NGLY1: variants seen among roughly 807,000 people sequenced by gnomAD.
NGLY1 encodes N-glycanase 1, also known as peptide-N(4)-(N-acetyl-beta-glucosaminyl)asparagine amidase.
A neutral mutation model predicts 84.6 loss-of-function variants in NGLY1; 68 were observed. The observed-to-expected ratio is 0.80, with a 90% CI of 0.66 to 0.98. NGLY1 has a LOEUF of 0.98. Ranked by LOEUF, NGLY1 falls within the 50% of genes least tolerant of loss-of-function variation. NGLY1 has a pLI of 0.00. For missense variants in NGLY1, 779 were observed against 770.2 expected, an observed-to-expected ratio of 1.01 and a Z score of -0.14; for synonymous variants, 280 against 275.2, an observed-to-expected ratio of 1.02 and a Z score of -0.17.
chr3:25,783,600 G>T (rs1708530797), upstream of NGLY1: 1 of 429,440 alleles, frequency 2.3e-6, no homozygotes, highest in Non-Finnish European at 3.4e-6. This position sits in a 1 kb window ranked among gnomAD's most constrained non-coding sequence, Gnocchi z 4.5. Flanking sequence ...GCCGGCAGGG[G>T]CGGGGTCGGG....
At chr3:25,741,521 G>GAATGTT (rs1706144365) in intron 4 of NGLY1, among the ~76,000 whole-genome samples, 1 of 151,962 alleles carries the variant, frequency 6.6e-6, no homozygotes. Context: ...TTATAGGTGA[G>GAATGTT]TATGTTTATG....
chr3:25,738,048 C>T (rs1439758161), intron 5 of NGLY1, among the ~76,000 whole-genome samples: 1 of 152,128 alleles, frequency 6.6e-6, no homozygotes, highest in Admixed American at 6.5e-5. Flanking sequence ...AACAATACAA[C>T]AGGTCAGAAA....
intron 10 of NGLY1, among the ~76,000 whole-genome samples, chr3:25,721,404 A>C (rs1704981400): frequency 6.6e-6 from 1 of 152,102 alleles, no homozygotes; most frequent in Non-Finnish European, 1.5e-5. Context: ...CCTGGTCTGA[A>C]ATGTACAGCA....
intron 10 of NGLY1, among the ~76,000 whole-genome samples, chr3:25,720,463 G>A (rs1436504274): frequency 2.0e-5 from 3 of 152,080 alleles, no homozygotes; most frequent in African/African-American, 7.2e-5. Context: ...CCAAATTTTG[G>A]TAAATCATCT....
At chr3:25,785,796 CT>C (rs1708590613), upstream of NGLY1, among the ~76,000 whole-genome samples, 1 of 152,240 alleles carries the variant, frequency 6.6e-6, no homozygotes, top group Non-Finnish European at 1.5e-5. Flanking sequence ...AGGCTTTCCC[CT>C]GACAGATAGA....
At chr3:25,788,542 T>G (rs1292694442) in intron 1 of NGLY1, among the ~76,000 whole-genome samples, 3 of 151,564 alleles carry the variant, frequency 2.0e-5, no homozygotes, top group Non-Finnish European at 3.0e-5. Flanking sequence ...GATGGTCTTT[T>G]TATTTTTCTG....
At chr3:25,727,045 T>G (rs1019749591) in intron 10 of NGLY1, among the ~76,000 whole-genome samples, 1 of 152,150 alleles carries the variant, frequency 6.6e-6, no homozygotes, top group Non-Finnish European at 1.5e-5. Flanking sequence ...AAAACGGTAG[T>G]GAGAAATAGG....
rs780478688 is a variant in NGLY1, at chr3:25,733,925, T to C, written c.1207A>G (p.Thr403Ala). 6.2e-7 allele frequency: 1 copy of C among 1,613,876 alleles called. No individual in the cohort carries two copies. Among genetic ancestry groups the C allele is most frequent in the South Asian group, 1.1e-5 (1 of 91,062 alleles). The stretch of plus-strand genomic sequence containing the variant: ...CGAAGTAATGCTTCTTTAACCTTAG[T>C]TCTTCTGGCAATCACCTCTTCATGT... ...CKHEEVIARR[T>A]KVKEALLRDT... Residue 403 changes from threonine (T) to alanine (A), a missense_variant, in exon 8 of 12, where the codon ACT becomes GCT. By Grantham distance (58) the Thr-to-Ala change is moderately conservative (BLOSUM62 0). Transcript: ENST00000280700.
chr3:25,748,157 A>G (rs1706536673), intron 4 of NGLY1, among the ~76,000 whole-genome samples: 1 of 152,178 alleles, frequency 6.6e-6, no homozygotes, highest in Non-Finnish European at 1.5e-5. Context: ...GGGGGTAAAA[A>G]GGCTAACAAA....
At chr3:25,778,548 G>A (rs1197699797) in intron 2 of NGLY1, 26 bp downstream of exon 2, 20 of 1,310,936 alleles carry the variant, frequency 1.5e-5, no homozygotes, top group Non-Finnish European at 2.2e-5. Context: ...ATGAAGAGGG[G>A]AGAGGAAATC....
chr3:25,763,490 G>A (rs559031174), intron 3 of NGLY1, among the ~76,000 whole-genome samples: 1 of 152,302 alleles, frequency 6.6e-6, no homozygotes, highest in South Asian at 2.1e-4. Flanking sequence ...CATGATCTCA[G>A]GGAGGGGCAT....
At chr3:25,734,044 A>T in intron 7 of NGLY1, 62 bp from the exon 8 acceptor site, 1 of 1,584,634 alleles carries the variant, frequency 6.3e-7, no homozygotes, top group Middle Eastern at 1.7e-4. Flanking sequence ...TTTACTTACT[A>T]AATACCTAGA....
intron 6 of NGLY1, chr3:25,736,701 C>A (rs1306703118): frequency 4.1e-6 from 1 of 242,206 alleles, no homozygotes; most frequent in Non-Finnish European, 7.9e-6. Context: ...ACAAATATCA[C>A]ATGACTTTTA....
chr3:25,744,562 G>C (rs1172404697), intron 4 of NGLY1, among the ~76,000 whole-genome samples: 1 of 152,152 alleles, frequency 6.6e-6, no homozygotes, highest in Admixed American at 6.5e-5. Flanking sequence ...CACTCACTGG[G>C]GCAGAGACTG....
intron 4 of NGLY1, chr3:25,749,839 G>C: frequency 1.8e-6 from 2 of 1,082,374 alleles, no homozygotes; most frequent in South Asian, 1.2e-5. Flanking sequence ...GAGCCACCCA[G>C]CTGGCCATCA....
intron 1 of NGLY1, among the ~76,000 whole-genome samples, chr3:25,782,058 A>T (rs1708443085): frequency 6.6e-6 from 1 of 152,164 alleles, no homozygotes; most frequent in South Asian, 2.1e-4. Context: ...GGTGGTCCCC[A>T]CACAGGTCAC....
chr3:25,786,231 G>T (rs1000529915), upstream of NGLY1, among the ~76,000 whole-genome samples: 1 of 151,990 alleles, frequency 6.6e-6, no homozygotes, highest in Non-Finnish European at 1.5e-5. Flanking sequence ...TGAGAGGCAG[G>T]AGAATCGCTT....
At chr3:25,750,870 T>C (rs540585947) in intron 4 of NGLY1, among the ~76,000 whole-genome samples, 7 of 152,150 alleles carry the variant, frequency 4.6e-5, no homozygotes, top group Non-Finnish European at 7.4e-5. Flanking sequence ...AATCCACACA[T>C]ACTCATGTCT....
intron 9 of NGLY1, 31 bp from the exon 10 acceptor site, chr3:25,729,349 C>A: frequency 1.6e-6 from 2 of 1,272,034 alleles, no homozygotes; most frequent in South Asian, 2.7e-5. Context: ...AGTTTTTCAA[C>A]ATTATGAAAG....
Sources: allele counts gnomAD v4.1 joint callset (sites outside exome capture counted in the v4.1 genomes callset), GRCh38; gene constraint gnomAD v4.1.1; non-coding constraint Gnocchi (gnomAD v3.1); transcripts MANE v1.5; gene names NCBI Gene and HGNC (gene_info 2026-07-23, HGNC 2026-07-21).